The following FHOD3 variants were observed in gnomAD, a reference collection of about 807,000 sequenced individuals.
FHOD3 encodes the protein FH1/FH2 domain-containing protein 3.
FHOD3 carries 90 observed loss-of-function variants against 173.0 expected under a neutral mutation model. The ratio of observed to expected loss-of-function variants is 0.52; its 90% CI spans 0.44 to 0.62. FHOD3 has a LOEUF of 0.62. FHOD3 is among the 20% of genes least tolerant of loss of function. FHOD3 has a pLI of 0.00. For synonymous variants in FHOD3, 828 were observed against 823.0 expected (o/e 1.01, Z -0.10); for missense variants, 1,945 against 2,034.7 (o/e 0.96, Z 0.85).
chr18:36,617,610 T>TGTGTGTGTGCGCGC (rs1555783663), intron 9 of FHOD3, among the ~76,000 whole-genome samples: 2 of 146,006 alleles, frequency 1.4e-5, no homozygotes, highest in African/African-American at 5.0e-5. Context: ...TGTGTGTGTG[T>TGTGTGTGTGCGCGC]GTGTGTGTGC....
At chr18:36,431,176 T>G (rs1345881106) in intron 3 of FHOD3, among the ~76,000 whole-genome samples, 1 of 152,214 alleles carries the variant, frequency 6.6e-6, no homozygotes, top group Admixed American at 6.5e-5. Context: ...GAACAAACAT[T>G]TATATGAAAG....
chr18:36,529,299 C>T (rs78014768), intron 5 of FHOD3, among the ~76,000 whole-genome samples: 1,743 of 152,226 alleles, frequency 0.011, 21 homozygotes, highest in African/African-American at 0.036. Flanking sequence ...TGATGCTCTT[C>T]GTTTAGCTGC....
chr18:36,749,706 G>A (rs1193563976), intron 24 of FHOD3, among the ~76,000 whole-genome samples: 2 of 152,162 alleles, frequency 1.3e-5, no homozygotes, highest in East Asian at 3.8e-4. Context: ...CCAGTAATGG[G>A]ATTGCTGGGT....
At chr18:36,333,437 A>G (rs1038720535) in intron 1 of FHOD3, among the ~76,000 whole-genome samples, 1 of 152,248 alleles carries the variant, frequency 6.6e-6, no homozygotes, top group Non-Finnish European at 1.5e-5. Flanking sequence ...TTTGGTGGAA[A>G]GGATCCAAAC....
At chr18:36,349,420 A>AT (rs2046015002) in intron 1 of FHOD3, among the ~76,000 whole-genome samples, 1 of 152,220 alleles carries the variant, frequency 6.6e-6, no homozygotes, top group Non-Finnish European at 1.5e-5. Context: ...GGATGCAGGG[A>AT]TGGGGGAACC....
chr18:36,358,791 C>G (rs940483935), intron 2 of FHOD3, among the ~76,000 whole-genome samples: 2 of 152,130 alleles, frequency 1.3e-5, no homozygotes, highest in African/African-American at 2.4e-5. Context: ...TTCTCCTGCT[C>G]TGGCTAATTT....
At chr18:36,308,191 T>C (rs2092153309) in intron 1 of FHOD3, among the ~76,000 whole-genome samples, 1 of 152,246 alleles carries the variant, frequency 6.6e-6, no homozygotes, top group South Asian at 2.1e-4. Context: ...GATAGTGCTA[T>C]AATACATACC....
At chr18:36,381,338 C>T (rs2047775600) in intron 3 of FHOD3, among the ~76,000 whole-genome samples, 1 of 152,226 alleles carries the variant, frequency 6.6e-6, no homozygotes, top group Non-Finnish European at 1.5e-5. Flanking sequence ...CCTTCTGAGC[C>T]AGGCTGCAGA....
intron 1 of FHOD3, among the ~76,000 whole-genome samples, chr18:36,334,707 G>C (rs2045211015): frequency 6.6e-6 from 1 of 152,164 alleles, no homozygotes; most frequent in African/African-American, 2.4e-5. Flanking sequence ...AACTATGCAT[G>C]TAGCTCTCAT....
At chr18:36,673,050 A>G (rs2037633830) in intron 14 of FHOD3, among the ~76,000 whole-genome samples, 1 of 152,210 alleles carries the variant, frequency 6.6e-6, no homozygotes, top group South Asian at 2.1e-4. Context: ...AGATAAACAA[A>G]GTGCCAACTC....
intron 3 of FHOD3, among the ~76,000 whole-genome samples, chr18:36,447,053 G>A (rs1210247959): frequency 1.3e-5 from 2 of 152,036 alleles, no homozygotes; most frequent in African/African-American, 4.8e-5. Flanking sequence ...TGGCACCTCG[G>A]CAACTCCTTT....
chr18:36,720,582 C>T (rs2040709346), intron 19 of FHOD3, among the ~76,000 whole-genome samples: 1 of 152,014 alleles, frequency 6.6e-6, no homozygotes, highest in South Asian at 2.1e-4. Flanking sequence ...TAGGAGAAGA[C>T]CAGCCACGAT....
intron 3 of FHOD3, among the ~76,000 whole-genome samples, chr18:36,423,514 G>A (rs747429656): frequency 7.9e-5 from 12 of 152,282 alleles, no homozygotes; most frequent in South Asian, 2.1e-4. Context: ...TGGATGCTGC[G>A]GAGGGGGTCT....
At chr18:36,567,392 C>G (rs146211724) in intron 5 of FHOD3, among the ~76,000 whole-genome samples, 1 of 152,192 alleles carries the variant, frequency 6.6e-6, no homozygotes, top group African/African-American at 2.4e-5. Context: ...CCAGGAGTTG[C>G]TCCATCCAGG....
chr18:36,463,502 T>A (rs150241021), intron 3 of FHOD3, among the ~76,000 whole-genome samples: 97 of 122,876 alleles, frequency 7.9e-4, no homozygotes, highest in African/African-American at 2.9e-3. Context: ...ATTTAAAAAA[T>A]ATATATATTT....
At chr18:36,632,301 C>A (rs538370598) in intron 10 of FHOD3, among the ~76,000 whole-genome samples, 1 of 152,138 alleles carries the variant, frequency 6.6e-6, no homozygotes, top group Non-Finnish European at 1.5e-5. Flanking sequence ...TTTTTTATTA[C>A]TACTGAGGCT....
intron 5 of FHOD3, among the ~76,000 whole-genome samples, chr18:36,517,498 G>A (rs1354567401): frequency 6.6e-6 from 1 of 152,136 alleles, no homozygotes; most frequent in Non-Finnish European, 1.5e-5. Flanking sequence ...CTTTGGAGGA[G>A]AAAAGAGAGA....
At chr18:36,491,090 T>C (rs906285575) in intron 3 of FHOD3, among the ~76,000 whole-genome samples, 6 of 152,088 alleles carry the variant, frequency 3.9e-5, no homozygotes, top group Admixed American at 3.9e-4. Context: ...ATCACAGAAG[T>C]GTGCATGGAC....
At chr18:36,480,901 T>C (rs1312360404) in intron 3 of FHOD3, among the ~76,000 whole-genome samples, 1 of 151,940 alleles carries the variant, frequency 6.6e-6, no homozygotes, top group Non-Finnish European at 1.5e-5. Context: ...TCCCTTGCCT[T>C]GAGCACTTCC....
Sources: allele counts gnomAD v4.1 joint callset (sites outside exome capture counted in the v4.1 genomes callset), GRCh38; gene constraint gnomAD v4.1.1; transcripts MANE v1.5; gene names NCBI Gene and HGNC (gene_info 2026-07-23, HGNC 2026-07-21).